Variants in KDM5A observed in about 807,000 individuals in gnomAD.
KDM5A encodes lysine demethylase 5A.
KDM5A carries 42 observed loss-of-function variants against 193.5 expected under a neutral mutation model. That is an observed-to-expected ratio of 0.22 (90% CI 0.17 to 0.28). The LOEUF (loss-of-function observed/expected upper bound fraction) is 0.28. KDM5A is among the 10% of genes least tolerant of loss of function. The pLI, the probability that KDM5A is intolerant of heterozygous loss-of-function variation, is 1.00. For missense variants in KDM5A, 1,692 were observed against 2,055.1 expected, an observed-to-expected ratio of 0.82 and a Z score of 3.42; for synonymous variants, 796 against 718.1, an observed-to-expected ratio of 1.11 and a Z score of -1.73.
intron 15 of KDM5A, 92 bp downstream of exon 15, chr12:323,508 T>G: frequency 7.8e-7 from 1 of 1,276,462 alleles, no homozygotes; most frequent in South Asian, 1.2e-5. Flanking sequence ...AAGTCCAGAG[T>G]AAAGGAGTAA....
At chr12:323,350 TAA>T (rs1943744939) in intron 15 of KDM5A, 144 bp from the exon 16 acceptor site, 3 of 1,096,750 alleles carry the variant, frequency 2.7e-6, no homozygotes, top group Non-Finnish European at 3.9e-6. Context: ...TTAGTTCACA[TAA>T]AGAGAAAATC....
intron 10 of KDM5A, among the ~76,000 whole-genome samples, chr12:338,587 T>A (rs1009581434): frequency 6.6e-6 from 1 of 152,136 alleles, no homozygotes; most frequent in Non-Finnish European, 1.5e-5. Context: ...TCCCTGAATA[T>A]CACTGAACCT....
At chr12:370,699 T>G (rs1410839543) in intron 3 of KDM5A, among the ~76,000 whole-genome samples, 1 of 152,204 alleles carries the variant, frequency 6.6e-6, no homozygotes, top group Non-Finnish European at 1.5e-5. Context: ...GTGTGCCACG[T>G]TGGTGTGCTG....
chr12:374,958 T>G (rs1273021238), intron 3 of KDM5A, among the ~76,000 whole-genome samples: 1 of 152,226 alleles, frequency 6.6e-6, no homozygotes, highest in Non-Finnish European at 1.5e-5. Context: ...GTTAGTCTGA[T>G]GGGCTTCCCT....
rs1209995377 is a variant in KDM5A at position 283,559 on chromosome 12, T to G, written c.*1897A>C. The G allele has an allele frequency of 8.6e-6, 2 of 233,002 alleles. No homozygotes were observed. The highest frequency in any genetic ancestry group is 1.8e-4 in the South Asian group (1 of 5,520). The allele number at this position is 233,002 out of a possible 1,614,324, so 14.4% of individuals were successfully genotyped here. On this transcript the variant is annotated 3_prime_UTR_variant, in exon 28 of 28. Coordinates refer to ENST00000399788, the MANE Select transcript of KDM5A (RefSeq NM_001042603.3). ...TTATAAGAAAACATCTTTTTTTTTG[T>G]AAGATTCCTTTTGAGTTAAATCTCA...
intron 22 of KDM5A, among the ~76,000 whole-genome samples, chr12:308,636 A>G (rs748955191): frequency 6.6e-6 from 1 of 152,242 alleles, no homozygotes; most frequent in Non-Finnish European, 1.5e-5. Context: ...TTTAATTATC[A>G]ATACTGTCAG....
intron 19 of KDM5A, among the ~76,000 whole-genome samples, chr12:317,766 T>C (rs1943666269): frequency 6.6e-6 from 1 of 152,142 alleles, no homozygotes; most frequent in South Asian, 2.1e-4. Context: ...GCTCTGAGGG[T>C]TGAAGAAGGC....
chr12:334,492 G>A (rs73041838), intron 10 of KDM5A, 70 bp from the exon 11 acceptor site: 267 of 1,331,402 alleles, frequency 2.0e-4, no homozygotes, highest in Non-Finnish European at 2.8e-4. Flanking sequence ...TGCCAAGGGA[G>A]TCTTCCCAGA....
In KDM5A at chr12:352,253, T is replaced by C. The variant is rs1364122668; in HGVS notation, c.1101A>G (p.Gly367=). The change falls in exon 9 of 28, where the codon GGA becomes GGG. Residue 367 remains glycine, a synonymous_variant. Transcript: ENST00000399788. ...CAGACTTAAAATTATCTGCCATCTC[T>C]CCAAAGCTCTGAAGTGTATACTCTC... ...AVREYTLQSF[G]EMADNFKSDY... The C allele has an allele frequency of 1.9e-6, 3 of 1,611,950 alleles. No homozygotes were observed. The African/African-American group carries it at 4.0e-5, about 22-fold the overall frequency.
chr12:291,006 T>C (rs1943286432), intron 27 of KDM5A, among the ~76,000 whole-genome samples: 6 of 152,162 alleles, frequency 3.9e-5, no homozygotes, highest in Admixed American at 3.9e-4. Flanking sequence ...TACACTTTGA[T>C]ACCCAAAGAG....
intron 6 of KDM5A, among the ~76,000 whole-genome samples, chr12:355,561 GA>G (rs1355217336): frequency 6.6e-6 from 1 of 152,170 alleles, no homozygotes; most frequent in African/African-American, 2.4e-5. Flanking sequence ...TTACTTGGAG[GA>G]ACTCCCAAAT....
At position 333,662 on chromosome 12, in the gene KDM5A, G is replaced by A; in HGVS notation, c.1491-13C>T. 6.2e-7 allele frequency: 1 copy of A among 1,613,572 alleles called. No homozygotes were observed. The highest frequency in any genetic ancestry group is 8.5e-7 in the Non-Finnish European group (1 of 1,179,458). ...CTTTGGCTCCCCCCTAGCAAAAGAA[G>A]TAACTGTTTAGCTAGGCAGAACATG... is the stretch of plus-strand genomic sequence containing the variant. On this transcript the variant is annotated splice_polypyrimidine_tract_variant and intron_variant, in intron 11 of 27. Coordinates refer to ENST00000399788, the MANE Select transcript of KDM5A (RefSeq NM_001042603.3).
At chr12:351,430 G>A (rs1361519466) in intron 9 of KDM5A, among the ~76,000 whole-genome samples, 1 of 152,060 alleles carries the variant, frequency 6.6e-6, no homozygotes, top group Non-Finnish European at 1.5e-5. Flanking sequence ...TGGTATATAT[G>A]TGCCACATTT....
intron 20 of KDM5A, among the ~76,000 whole-genome samples, chr12:311,539 C>T (rs1943586721): frequency 6.6e-6 from 1 of 151,904 alleles, no homozygotes; most frequent in African/African-American, 2.4e-5. Context: ...TACTTATTGA[C>T]TTAGTCCTTC....
rs1943887009 is a variant in KDM5A, at chr12:333,389, A to G, written c.1653+98T>C. 1.8e-5 allele frequency: 24 copies of G among 1,365,156 alleles called. No homozygotes were observed. In the South Asian group the frequency reaches 2.9e-4, roughly 16 times the overall value. 84.6% of individuals were successfully genotyped at this position (1,365,156 alleles called of 1,614,324 possible). ...AGCAATCATCGTGCCGCTGCACTCC[A>G]GCCTGGGCAACAGAGCAAGACCCTG... On this transcript the variant is annotated intron_variant, in intron 12 of 27. Coordinates refer to ENST00000399788, the MANE Select transcript of KDM5A (RefSeq NM_001042603.3).
intron 10 of KDM5A, among the ~76,000 whole-genome samples, chr12:346,322 T>G (rs188711465): frequency 6.6e-6 from 1 of 152,162 alleles, no homozygotes; most frequent in Non-Finnish European, 1.5e-5. Flanking sequence ...ACAGCCAAAT[T>G]CTACCAGAGG....
rs760308725 is a variant in KDM5A at position 285,479 on chromosome 12, C to A, written c.5050G>T (p.Glu1684Ter). The A allele has an allele frequency of 1.2e-6, 2 of 1,613,986 alleles. No individual in the cohort carries two copies. Among genetic ancestry groups the A allele is most frequent in the Admixed American group, 3.3e-5 (2 of 59,994 alleles). The change falls in exon 28 of 28, where the codon GAG (glutamate) becomes TAG (stop). Residue 1684 changes from glutamate (E) to a stop codon, truncating the protein, a stop_gained. Transcript: ENST00000399788. LOFTEE classifies it high-confidence loss of function. ...SFIMSYKLPM[E>*]DLKETS ...TGCTAACTGGTCTCTTTAAGATCCTCCATTGGTAGTTTGTAGCTCATTATG... is the reference window on the plus strand; with the variant it reads ...TGCTAACTGGTCTCTTTAAGATCCTACATTGGTAGTTTGTAGCTCATTATG...
chr12:333,798 G>C, intron 11 of KDM5A, 149 bp from the exon 12 acceptor site: 1 of 779,134 alleles, frequency 1.3e-6, no homozygotes, highest in Non-Finnish European at 2.2e-6. Flanking sequence ...TTATAAACCT[G>C]TGCTGTTGTT....
chr12:340,242 C>G (rs1469858529), intron 10 of KDM5A, among the ~76,000 whole-genome samples: 1 of 152,024 alleles, frequency 6.6e-6, no homozygotes, highest in Non-Finnish European at 1.5e-5. Context: ...TCTCAAAAGC[C>G]CTATGTAGAG....
Sources: allele counts gnomAD v4.1 joint callset (sites outside exome capture counted in the v4.1 genomes callset), GRCh38; gene constraint gnomAD v4.1.1; transcripts MANE v1.5; gene names NCBI Gene and HGNC (gene_info 2026-07-23, HGNC 2026-07-21).